MAGI1: variants seen among roughly 807,000 people sequenced by gnomAD.
MAGI1 encodes membrane associated guanylate kinase, WW and PDZ domain containing 1.
MAGI1 carries 58 observed loss-of-function variants against 139.9 expected under a neutral mutation model. The observed-to-expected ratio is 0.41, with a 90% CI of 0.34 to 0.52. The LOEUF is 0.52. Ranked by LOEUF, MAGI1 falls within the 20% of genes least tolerant of loss-of-function variation. The pLI is 0.12. For synonymous variants in MAGI1, 812 were observed against 737.9 expected (o/e 1.10, Z -1.63); for missense variants, 1,874 against 1,901.6 (o/e 0.99, Z 0.27).
At position 65,611,301 on chromosome 3, in the gene MAGI1, T is replaced by C. The variant is rs190203714; in HGVS notation, c.430+10671A>G. Among the ~76,000 whole-genome samples the C allele has an allele frequency of 4.9e-3, 698 of 141,796 alleles. 6 individuals are homozygous for C. Among genetic ancestry groups the C allele is most frequent in the Middle Eastern group, 0.033 (3 of 92 alleles). 93.0% of individuals were successfully genotyped at this position (141,796 alleles called of 152,430 possible). On this transcript the variant is annotated intron_variant, in intron 2 of 22. Transcript: ENST00000402939. ...AATAGTATAGTATACTATGTGTATA[T>C]ACTATATGTACATATATGTACACTA...
At chr3:65,526,492 T>A (rs1437984019) in intron 2 of MAGI1, among the ~76,000 whole-genome samples, 1 of 152,210 alleles carries the variant, frequency 6.6e-6, no homozygotes, top group Non-Finnish European at 1.5e-5. Context: ...GCAAATTAGT[T>A]TATATGTGCT....
chr3:65,415,529 C>T (rs937316626), intron 12 of MAGI1, among the ~76,000 whole-genome samples: 9 of 152,278 alleles, frequency 5.9e-5, no homozygotes, highest in South Asian at 2.1e-4. Flanking sequence ...GCAGAGATCA[C>T]GCTGGAGACC....
rs144979805 is a variant in MAGI1, at chr3:65,370,237, T to C, written c.3197-5291A>G. Among the ~76,000 whole-genome samples the C allele has an allele frequency of 2.6e-3, 390 of 152,062 alleles. 3 individuals are homozygous for C. The highest frequency in any genetic ancestry group is 9.0e-3 in the African/African-American group (374 of 41,482). ...GAGCCGAGATCATGCCACTGCACTCTAGCCTGGGTGACACAGCGAGACTCC... is the reference window on the plus strand; with the variant it reads ...GAGCCGAGATCATGCCACTGCACTCCAGCCTGGGTGACACAGCGAGACTCC... On this transcript the variant is annotated intron_variant, in intron 18 of 22. Coordinates refer to ENST00000402939, the MANE Select transcript of MAGI1 (RefSeq NM_001033057.2).
At chr3:65,680,797 T>TGATATGATATGATATG (rs1559781233) in intron 1 of MAGI1, among the ~76,000 whole-genome samples, 1 of 152,038 alleles carries the variant, frequency 6.6e-6, no homozygotes, top group Non-Finnish European at 1.5e-5. Flanking sequence ...TGATATGATA[T>TGATATGATATGATATG]ACTTTAATAA....
chr3:65,983,314 G>T (rs2065687238), intron 1 of MAGI1, among the ~76,000 whole-genome samples: 1 of 152,168 alleles, frequency 6.6e-6, no homozygotes. Flanking sequence ...CCAATGTTTA[G>T]TAGTGCTCTC....
rs115679717 is a variant in MAGI1 at position 65,616,294 on chromosome 3, G to A, written c.430+5678C>T. 1.6e-3 allele frequency among the ~76,000 whole-genome samples: 236 copies of A among 152,240 alleles called. 2 individuals are homozygous for A. Among genetic ancestry groups the A allele is most frequent in the Non-Finnish European group, 2.5e-3 (169 of 68,028 alleles). On this transcript the variant is annotated intron_variant, in intron 2 of 22. Transcript: ENST00000402939. ...TCACAGACAAGCCAAGGGCACATGG[G>A]AAAATACAGTCATGATGGGTAGAAG...
At chr3:65,660,959 A>C (rs529858852) in intron 1 of MAGI1, among the ~76,000 whole-genome samples, 3 of 152,230 alleles carry the variant, frequency 2.0e-5, no homozygotes, top group Non-Finnish European at 4.4e-5. Flanking sequence ...CTGACACCTC[A>C]CAGGCACATC....
chr3:65,507,423 G>A (rs952438084), intron 2 of MAGI1, among the ~76,000 whole-genome samples: 2 of 152,196 alleles, frequency 1.3e-5, no homozygotes, highest in African/African-American at 4.8e-5. Flanking sequence ...AAAATTGTAT[G>A]AGGATTACAT....
At position 65,437,195 on chromosome 3, in the gene MAGI1, A is replaced by T. The variant is rs1252561049; in HGVS notation, c.1323T>A (p.Pro441=). The part of the protein sequence containing the change: ...ALVPPVIPNH[P]PSNPEPAREV... ...CTCTGGCTGGCTCTGGATTGCTTGG[A>T]GGGTGGTTTGGAATAACAGGAGGCA... The change falls in exon 10 of 23, where the codon CCT becomes CCA. Residue 441 remains proline, a synonymous_variant. Transcript: ENST00000402939. 2 of 1,612,260 alleles carry T rather than the reference A, an allele frequency of 1.2e-6. No individual in the cohort carries two copies. Among genetic ancestry groups the T allele is most frequent in the Non-Finnish European group, 1.7e-6 (2 of 1,178,640 alleles).
At chr3:65,405,551 A>G (rs965209866) in intron 12 of MAGI1, among the ~76,000 whole-genome samples, 21 of 152,156 alleles carry the variant, frequency 1.4e-4, no homozygotes, top group Admixed American at 1.2e-3. Flanking sequence ...ATTTATAAAT[A>G]CACACATACA....
chr3:65,644,400 G>A (rs1384011067), intron 1 of MAGI1, among the ~76,000 whole-genome samples: 2 of 130,002 alleles, frequency 1.5e-5, no homozygotes, highest in East Asian at 4.2e-4. Flanking sequence ...AAACAAAGAA[G>A]TATAAAACCT....
At chr3:65,796,676 T>C (rs2040170248) in intron 1 of MAGI1, among the ~76,000 whole-genome samples, 1 of 152,244 alleles carries the variant, frequency 6.6e-6, no homozygotes, top group Admixed American at 6.5e-5. Context: ...TTCTGAATAA[T>C]AATATGCTAT....
chr3:65,724,140 A>C (rs2033357959), intron 1 of MAGI1, among the ~76,000 whole-genome samples: 1 of 152,234 alleles, frequency 6.6e-6, no homozygotes, highest in Admixed American at 6.5e-5. Context: ...CTTCCACCTC[A>C]ACAAGGCTTT....
chr3:65,947,819 T>C (rs1186239029), intron 1 of MAGI1, among the ~76,000 whole-genome samples: 1 of 152,086 alleles, frequency 6.6e-6, no homozygotes. Flanking sequence ...GATCTCACTA[T>C]GTTACCCAGG....
intron 1 of MAGI1, among the ~76,000 whole-genome samples, chr3:66,017,363 C>A (rs538378820): frequency 6.6e-5 from 10 of 152,238 alleles, no homozygotes; most frequent in East Asian, 1.9e-4. Context: ...AAGGCACCAA[C>A]GTCTCCCTCC....
intron 6 of MAGI1, 176 bp from the exon 7 acceptor site, chr3:65,448,233 G>A: frequency 1.6e-6 from 1 of 629,742 alleles, no homozygotes; most frequent in Non-Finnish European, 2.8e-6. Flanking sequence ...CGACCTCAGT[G>A]TAAATCACAA....
At chr3:65,731,921 C>A (rs1029248949) in intron 1 of MAGI1, among the ~76,000 whole-genome samples, 2 of 152,146 alleles carry the variant, frequency 1.3e-5, no homozygotes, top group Non-Finnish European at 2.9e-5. Context: ...ATTTTAGAAA[C>A]TGTTGTGTAC....
At chr3:65,653,323 ACC>A (rs1404696309) in intron 1 of MAGI1, among the ~76,000 whole-genome samples, 1 of 152,126 alleles carries the variant, frequency 6.6e-6, no homozygotes, top group Non-Finnish European at 1.5e-5. Flanking sequence ...TCAGTCGCTT[ACC>A]TTCCACTTTG....
At chr3:65,700,777 T>C (rs2089545581) in intron 1 of MAGI1, among the ~76,000 whole-genome samples, 2 of 152,168 alleles carry the variant, frequency 1.3e-5, no homozygotes, top group Admixed American at 1.3e-4. Context: ...CAGCCTCACA[T>C]CCAAAAATTT....
Sources: gnomAD v4.1 joint callset for allele counts (sites outside exome capture counted in the v4.1 genomes callset) on GRCh38, gnomAD v4.1.1 for gene constraint, MANE v1.5 for transcripts, NCBI Gene and HGNC (gene_info 2026-07-23, HGNC 2026-07-21) for gene names.